The following LTBP1 variants were observed in gnomAD, a reference collection of about 807,000 sequenced individuals.
The protein encoded by LTBP1 is latent-transforming growth factor beta-binding protein 1.
LTBP1 carries 129 observed loss-of-function variants against 207.6 expected under a neutral mutation model. The ratio of observed to expected loss-of-function variants is 0.62; its 90% confidence interval spans 0.54 to 0.72. LTBP1 has a LOEUF of 0.72. Among genes scored for constraint, LTBP1 ranks in the 30% least tolerant of loss-of-function variants. The pLI is 0.00. For synonymous variants in LTBP1, 963 were observed against 833.7 expected (o/e 1.16, Z -2.67); for missense variants, 2,281 against 2,217.2 (o/e 1.03, Z -0.58).
intron 5 of LTBP1, among the ~76,000 whole-genome samples, chr2:33,150,202 C>G (rs944632908): frequency 7.2e-5 from 11 of 152,150 alleles, no homozygotes; most frequent in African/African-American, 1.9e-4. Context: ...TAGCAGTCTT[C>G]CGTTATGTTT....
chr2:33,052,422 A>G (rs1429885112), intron 3 of LTBP1, among the ~76,000 whole-genome samples: 1 of 152,254 alleles, frequency 6.6e-6, no homozygotes, highest in Non-Finnish European at 1.5e-5. Flanking sequence ...CTGTAAGTGA[A>G]TGGGAAAATA....
intron 2 of LTBP1, among the ~76,000 whole-genome samples, chr2:33,009,291 A>G (rs1476354042): frequency 6.6e-6 from 1 of 152,154 alleles, no homozygotes; most frequent in African/African-American, 2.4e-5. Context: ...GAAGAGTCAC[A>G]TATAGTGATA....
At chr2:33,200,482 G>A (rs2089107185) in intron 7 of LTBP1, among the ~76,000 whole-genome samples, 1 of 151,990 alleles carries the variant, frequency 6.6e-6, no homozygotes, top group African/African-American at 2.4e-5. Context: ...AATTGAAGAT[G>A]GATTAAAGAC....
At chr2:33,329,074 T>A (rs1333876986) in intron 24 of LTBP1, among the ~76,000 whole-genome samples, 1 of 152,174 alleles carries the variant, frequency 6.6e-6, no homozygotes, top group East Asian at 1.9e-4. Flanking sequence ...AATGTATGTA[T>A]GTTTCACTCA....
intron 2 of LTBP1, among the ~76,000 whole-genome samples, chr2:32,952,658 G>C (rs558556056): frequency 1.3e-5 from 2 of 151,216 alleles, no homozygotes; most frequent in Non-Finnish European, 2.9e-5. Flanking sequence ...TTTTTTCTGC[G>C]CCCAAACTGA....
At chr2:33,203,700 C>T (rs7580348) in intron 7 of LTBP1, among the ~76,000 whole-genome samples, 62,363 of 151,908 alleles carry the variant, frequency 0.41, 13,622 homozygotes, top group Non-Finnish European at 0.48. Context: ...TATTTTATAC[C>T]TCTAGGGCTC....
At chr2:33,325,366 C>T (rs1470818960) in intron 24 of LTBP1, among the ~76,000 whole-genome samples, 1 of 152,030 alleles carries the variant, frequency 6.6e-6, no homozygotes, top group Non-Finnish European at 1.5e-5. Flanking sequence ...TTTATGTTGC[C>T]TCTGAGGCCT....
At chr2:33,151,066 T>C (rs79282267) in intron 5 of LTBP1, among the ~76,000 whole-genome samples, 2,332 of 152,230 alleles carry the variant, frequency 0.015, 23 homozygotes, top group East Asian at 0.027. Context: ...CAAGGTTCAT[T>C]CATACTGTAG....
chr2:33,198,257 C>G (rs1032271053), intron 7 of LTBP1, among the ~76,000 whole-genome samples: 1 of 152,014 alleles, frequency 6.6e-6, no homozygotes, highest in Non-Finnish European at 1.5e-5. Context: ...CCCACTTGAT[C>G]ATGGTGGATA....
At chr2:33,225,989 A>G (rs1191747033) in intron 9 of LTBP1, among the ~76,000 whole-genome samples, 1 of 152,152 alleles carries the variant, frequency 6.6e-6, no homozygotes, top group Admixed American at 6.5e-5. Context: ...GTATTTTTGG[A>G]CACCTAGGTT....
intron 30 of LTBP1, 55 bp downstream of exon 30, chr2:33,364,411 T>C: frequency 1.3e-6 from 2 of 1,538,118 alleles, no homozygotes; most frequent in Non-Finnish European, 1.8e-6. Context: ...AAGATTTTCC[T>C]TTTAACTAAA....
intron 3 of LTBP1, among the ~76,000 whole-genome samples, chr2:33,068,369 G>T (rs531527339): frequency 1.3e-5 from 2 of 152,032 alleles, no homozygotes; most frequent in Admixed American, 1.3e-4. Flanking sequence ...AATGTGCACA[G>T]CTTCTTCCAT....
intron 1 of LTBP1, 62 bp downstream of exon 1, chr2:32,947,880 T>G: frequency 8.0e-7 from 1 of 1,253,084 alleles, no homozygotes; most frequent in Non-Finnish European, 1.0e-6. Context: ...CGGAGGGACC[T>G]GCGGGGTCAG....
chr2:33,059,358 T>G (rs941286109), intron 3 of LTBP1, among the ~76,000 whole-genome samples: 1 of 152,214 alleles, frequency 6.6e-6, no homozygotes, highest in African/African-American at 2.4e-5. Flanking sequence ...GAAGAGATAT[T>G]TCAGCCTTCC....
At chr2:32,985,376 T>C (rs1375426412) in intron 2 of LTBP1, among the ~76,000 whole-genome samples, 2 of 152,164 alleles carry the variant, frequency 1.3e-5, no homozygotes, top group Non-Finnish European at 2.9e-5. Context: ...AACCTCCATT[T>C]TATCGATGAG....
chr2:33,386,160 T>C (rs2095263883), intron 31 of LTBP1, among the ~76,000 whole-genome samples: 2 of 152,222 alleles, frequency 1.3e-5, no homozygotes, highest in Admixed American at 1.3e-4. Flanking sequence ...GGGTACGTGC[T>C]TTTAAAAACT....
intron 5 of LTBP1, among the ~76,000 whole-genome samples, chr2:33,176,981 C>A (rs760235192): frequency 1.3e-5 from 2 of 152,154 alleles, no homozygotes; most frequent in African/African-American, 4.8e-5. Flanking sequence ...TCATTCAGGT[C>A]ACACAACAGC....
Position 33,363,416 on chromosome 2 carries a change from C to A in LTBP1, c.4297C>A (p.Gln1433Lys). 1 of 1,613,704 alleles carries A rather than the reference C, an allele frequency of 6.2e-7. No homozygotes were observed. Among genetic ancestry groups the A allele is most frequent in the Non-Finnish European group, 8.5e-7 (1 of 1,179,760 alleles). Residue 1433 changes from glutamine (Q) to lysine (K), a missense_variant, in exon 29 of 34, where the codon CAA (glutamine) becomes AAA (lysine). By Grantham distance (53) the Gln-to-Lys change is moderately conservative. Coordinates refer to ENST00000404816, the MANE Select transcript of LTBP1 (RefSeq NM_206943.4). ...KDADECLLFG[Q>K]EICKNGFCLN... ...TGCAGATGAATGCCTACTTTTTGGA[C>A]AAGAAATCTGCAAAAATGGTTTCTG...
At chr2:32,955,402 T>C (rs761860576) in intron 2 of LTBP1, among the ~76,000 whole-genome samples, 21 of 152,258 alleles carry the variant, frequency 1.4e-4, no homozygotes, top group Non-Finnish European at 2.6e-4. Flanking sequence ...TGCAAAATTG[T>C]TGCTGCATCA....
Sources: gnomAD v4.1 joint callset for allele counts (sites outside exome capture counted in the v4.1 genomes callset) on GRCh38, gnomAD v4.1.1 for gene constraint, MANE v1.5 for transcripts, NCBI Gene and HGNC (gene_info 2026-07-23, HGNC 2026-07-21) for gene names.